ROR2: variants seen among roughly 807,000 people sequenced by gnomAD.
The protein encoded by ROR2 is tyrosine-protein kinase transmembrane receptor ROR2.
Under a neutral mutation model 74.9 loss-of-function variants are expected in ROR2, and 33 were observed. The observed-to-expected ratio is 0.44, with a 90% CI of 0.33 to 0.59. The LOEUF (loss-of-function observed/expected upper bound fraction) is 0.59, where lower values mean the gene tolerates loss of function less well. Ranked by LOEUF, ROR2 falls within the 20% of genes least tolerant of loss-of-function variation. ROR2 has a pLI of 0.02. For missense variants in ROR2, 1,216 were observed against 1,313.8 expected (o/e 0.93, Z 1.15); for synonymous variants, 586 against 558.7 (o/e 1.05, Z -0.69).
chr9:91,846,099 T>G (rs188944864), intron 1 of ROR2, among the ~76,000 whole-genome samples: 1 of 152,004 alleles, frequency 6.6e-6, no homozygotes, highest in Non-Finnish European at 1.5e-5. Flanking sequence ...TCTACAACAA[T>G]GGGGCCCAGG....
intron 2 of ROR2, among the ~76,000 whole-genome samples, chr9:91,768,347 C>T (rs1286701475): frequency 6.6e-6 from 1 of 152,082 alleles, no homozygotes; most frequent in African/African-American, 2.4e-5. Flanking sequence ...AGGAAGGAGA[C>T]AGCCCAAGAA....
chr9:91,852,674 A>G (rs1829143271), intron 1 of ROR2, among the ~76,000 whole-genome samples: 2 of 135,614 alleles, frequency 1.5e-5, no homozygotes, highest in Admixed American at 1.5e-4. Flanking sequence ...GTAAGTCCAT[A>G]AGAAGTCGGT....
chr9:91,925,462 C>CTGTGTGTGTGTGTGTGTG (rs1224637296), intron 1 of ROR2, among the ~76,000 whole-genome samples: 1 of 126,086 alleles, frequency 7.9e-6, no homozygotes, highest in Admixed American at 9.5e-5. Flanking sequence ...TGTCAGCTGC[C>CTGTGTGTGTGTGTGTGTG]TGTATGTGTG....
At position 91,731,044 on chromosome 9, in the gene ROR2, A is replaced by T; in HGVS notation, c.1049T>A (p.Leu350Gln). The change falls in exon 7 of 9, where the codon CTG (leucine) becomes CAG (glutamine). Residue 350 changes from leucine (L) to glutamine (Q), a missense_variant. Transcript: ENST00000375708. Reference protein sequence around the residue: ...WALQHPHSHHLSSTDFPELGG... With the variant: ...WALQHPHSHHQSSTDFPELGG... ...AAGCTCAGGGAAGTCTGTGCTGGAC[A>T]GGTGGTGGCTGTGGGGGTGCTGCAG... is the stretch of plus-strand genomic sequence containing the variant. 1 of 1,614,136 alleles carries T rather than the reference A, an allele frequency of 6.2e-7. No individual in the cohort carries two copies. Among genetic ancestry groups the T allele is most frequent in the East Asian group, 2.2e-5 (1 of 44,868 alleles).
At chr9:91,895,630 G>C (rs1000694964) in intron 1 of ROR2, among the ~76,000 whole-genome samples, 1 of 152,188 alleles carries the variant, frequency 6.6e-6, no homozygotes, top group Non-Finnish European at 1.5e-5. Context: ...GATCACTTGA[G>C]GTCAGGAGTT....
intron 2 of ROR2, among the ~76,000 whole-genome samples, chr9:91,757,918 A>G (rs992152034): frequency 2.0e-5 from 3 of 152,160 alleles, no homozygotes; most frequent in African/African-American, 7.2e-5. Context: ...ACAGCCTCAT[A>G]ACTCATGCCT....
intron 1 of ROR2, among the ~76,000 whole-genome samples, chr9:91,865,112 A>T (rs1829589420): frequency 6.6e-6 from 1 of 151,990 alleles, no homozygotes; most frequent in African/African-American, 2.4e-5. Context: ...TTTTTTTTGC[A>T]GTATACTTTT....
Position 91,888,483 on chromosome 9 carries a change from A to C in ROR2, c.97+61384T>G, listed in dbSNP as rs145523541. On this transcript the variant is annotated intron_variant, in intron 1 of 8. Coordinates refer to ENST00000375708, the MANE Select transcript of ROR2 (RefSeq NM_004560.4). ...CAAGACTCAATGAAGACACCATTTC[A>C]TCCTAGATCTCTAGCCACTACTGCA... Among the ~76,000 whole-genome samples the C allele has an allele frequency of 6.4e-3, 979 of 152,236 alleles. 14 individuals carry two copies. Among genetic ancestry groups the C allele is most frequent in the African/African-American group, 0.022 (916 of 41,526 alleles).
intron 1 of ROR2, among the ~76,000 whole-genome samples, chr9:91,780,550 G>A (rs1826582620): frequency 6.6e-6 from 1 of 152,182 alleles, no homozygotes; most frequent in Non-Finnish European, 1.5e-5. Flanking sequence ...CACTTTGGGA[G>A]GTCGAGGCCT....
rs574015919 is a variant in ROR2 at position 91,791,714 on chromosome 9, C to T, written c.98-15896G>A. 1.1e-4 allele frequency among the ~76,000 whole-genome samples: 17 copies of T among 152,162 alleles called. No homozygotes were observed. The South Asian group carries it at 3.1e-3, about 28-fold the overall frequency. ...TCAGTAAGAAAATAGAAGACTTGAA[C>T]AACATTATAAACCAACTAGATACAA... On this transcript the variant is annotated intron_variant, in intron 1 of 8. Coordinates refer to ENST00000375708, the MANE Select transcript of ROR2 (RefSeq NM_004560.4).
chr9:91,787,636 A>G (rs1364995247), intron 1 of ROR2, among the ~76,000 whole-genome samples: 3 of 152,252 alleles, frequency 2.0e-5, no homozygotes, highest in Non-Finnish European at 4.4e-5. Flanking sequence ...AACTAACAGT[A>G]ACGAGGCAAA....
chr9:91,749,539 AT>A (rs1674716187), intron 4 of ROR2, among the ~76,000 whole-genome samples: 1 of 152,182 alleles, frequency 6.6e-6, no homozygotes, highest in Non-Finnish European at 1.5e-5. Flanking sequence ...TGGGAAACAC[AT>A]TTCAGTCCAT....
At chr9:91,877,262 T>A (rs934586341) in intron 1 of ROR2, among the ~76,000 whole-genome samples, 6 of 152,164 alleles carry the variant, frequency 3.9e-5, no homozygotes, top group Non-Finnish European at 8.8e-5. Context: ...TCCCTCTCTA[T>A]TCTCTTTCCA....
At chr9:91,941,457 C>T (rs1202077679) in intron 1 of ROR2, among the ~76,000 whole-genome samples, 1 of 152,204 alleles carries the variant, frequency 6.6e-6, no homozygotes, top group African/African-American at 2.4e-5. Context: ...AGACATCAAG[C>T]CCCTTTATCC....
chr9:91,866,706 A>G (rs1261409120), intron 1 of ROR2, among the ~76,000 whole-genome samples: 1 of 152,170 alleles, frequency 6.6e-6, no homozygotes, highest in Non-Finnish European at 1.5e-5. Flanking sequence ...AATTTAAATT[A>G]ATTAAAATTA....
chr9:91,918,188 A>C (rs962723058), intron 1 of ROR2, among the ~76,000 whole-genome samples: 5 of 151,580 alleles, frequency 3.3e-5, no homozygotes, highest in Admixed American at 3.3e-4. Flanking sequence ...GAATGGTGTG[A>C]ATCCGGGAGG....
chr9:91,878,057 A>AC (rs1160107507), intron 1 of ROR2, among the ~76,000 whole-genome samples: 2 of 146,382 alleles, frequency 1.4e-5, no homozygotes, highest in Non-Finnish European at 2.9e-5. Flanking sequence ...CTTCACAGGG[A>AC]CCCAGTACTG....
At chr9:91,806,727 C>A (rs1171943165) in intron 1 of ROR2, among the ~76,000 whole-genome samples, 1 of 152,084 alleles carries the variant, frequency 6.6e-6, no homozygotes, top group East Asian at 1.9e-4. Context: ...GTAGCTGGGA[C>A]TACAGGCACC....
chr9:91,725,226 A>T, intron 8 of ROR2, 119 bp from the exon 9 acceptor site: 1 of 1,570,494 alleles, frequency 6.4e-7, no homozygotes. Context: ...GCCTTGCAGA[A>T]GACCCGCTGG....
Sources: gnomAD v4.1 joint callset for allele counts (sites outside exome capture counted in the v4.1 genomes callset) on GRCh38, gnomAD v4.1.1 for gene constraint, MANE v1.5 for transcripts, NCBI Gene and HGNC (gene_info 2026-07-23, HGNC 2026-07-21) for gene names.